Variants in ADGRD1 observed in about 807,000 individuals in gnomAD.
ADGRD1 encodes adhesion G protein-coupled receptor D1, also known as G-protein coupled receptor 133.
In ADGRD1, 77 loss-of-function variants were observed where a neutral mutation model predicts 113.4. The observed-to-expected ratio is 0.68, with a 90% confidence interval of 0.57 to 0.82. ADGRD1 has a LOEUF of 0.82. Ranked by LOEUF, ADGRD1 falls within the 40% of genes least tolerant of loss-of-function variation. ADGRD1 has a pLI of 0.00. For synonymous variants in ADGRD1, 474 were observed against 475.0 expected (o/e 1.00, Z 0.03); for missense variants, 1,036 against 1,139.1 (o/e 0.91, Z 1.30).
intron 4 of ADGRD1, among the ~76,000 whole-genome samples, chr12:130,979,761 G>T (rs888237290): frequency 1.3e-5 from 2 of 150,228 alleles, no homozygotes. Flanking sequence ...CGGGGGTGAG[G>T]CAGCTGGATG....
intron 8 of ADGRD1, among the ~76,000 whole-genome samples, chr12:130,998,489 G>A (rs906927536): frequency 6.6e-6 from 1 of 151,424 alleles, no homozygotes; most frequent in African/African-American, 2.4e-5. Flanking sequence ...TTTTGAGATG[G>A]AGTCTCGCTC....
At chr12:131,133,653 A>C (rs917923343) in intron 21 of ADGRD1, among the ~76,000 whole-genome samples, 1 of 152,114 alleles carries the variant, frequency 6.6e-6, no homozygotes, top group South Asian at 2.1e-4. Flanking sequence ...CCATTGTGCA[A>C]CCCAGCACAT....
intron 2 of ADGRD1, chr12:130,956,347 C>T (rs1174543065): frequency 6.6e-6 from 1 of 152,278 alleles, no homozygotes; most frequent in East Asian, 1.9e-4. Context: ...GACGCTGCCA[C>T]TTCTGTTTCG....
intron 13 of ADGRD1, among the ~76,000 whole-genome samples, chr12:131,021,752 G>C (rs1279744297): frequency 2.0e-5 from 3 of 152,096 alleles, no homozygotes; most frequent in Non-Finnish European, 4.4e-5. Flanking sequence ...CTCTTGCCCA[G>C]GCTGGAGTGC....
intron 13 of ADGRD1, among the ~76,000 whole-genome samples, chr12:131,056,941 G>T (rs1470223805): frequency 6.6e-6 from 1 of 152,234 alleles, no homozygotes; most frequent in Non-Finnish European, 1.5e-5. Flanking sequence ...GGAGCCAGTT[G>T]TGGAGGCGTT....
chr12:131,046,304 T>C (rs1211953345), intron 13 of ADGRD1, among the ~76,000 whole-genome samples: 32 of 94,522 alleles, frequency 3.4e-4, no homozygotes, highest in African/African-American at 4.2e-4. Flanking sequence ...TGGTCAGTGC[T>C]CCCTCCCTGG....
intron 14 of ADGRD1, among the ~76,000 whole-genome samples, chr12:131,080,634 T>G (rs145697847): frequency 5.2e-4 from 79 of 152,304 alleles, no homozygotes; most frequent in African/African-American, 1.8e-3. Context: ...TTTTTTATGT[T>G]TTTTGAGACA....
intron 13 of ADGRD1, among the ~76,000 whole-genome samples, chr12:131,065,335 G>A (rs1303008439): frequency 6.6e-6 from 1 of 152,214 alleles, no homozygotes; most frequent in Non-Finnish European, 1.5e-5. Context: ...CTGAACAAGA[G>A]TGAACCTTGT....
In ADGRD1 at chr12:131,123,039, G is replaced by GTTTT. The variant is rs552353187; in HGVS notation, c.2175+2157_2175+2160dup. Among the ~76,000 whole-genome samples the GTTTT allele has an allele frequency of 3.1e-3, 158 of 51,324 alleles. 6 individuals carry two copies. Among genetic ancestry groups the GTTTT allele is most frequent in the Non-Finnish European group, 3.7e-3 (103 of 27,766 alleles). The allele number at this position is 51,324 out of a possible 152,430, so 33.7% of individuals were successfully genotyped here. On this transcript the variant is annotated intron_variant, in intron 20 of 24. Transcript: ENST00000261654. ...ATTACATAATTGAATTACCTGGGGA[G>GTTTT]TTTTTTTTTTTTTTTTTTTTTTTTT...
At chr12:131,119,416 G>A (rs1004908846) in intron 19 of ADGRD1, among the ~76,000 whole-genome samples, 5 of 152,192 alleles carry the variant, frequency 3.3e-5, no homozygotes, top group Admixed American at 6.5e-5. Context: ...GAAGTTGAGG[G>A]ACTAATTAGA....
intron 20 of ADGRD1, among the ~76,000 whole-genome samples, chr12:131,127,282 G>A (rs534894935): frequency 2.6e-5 from 4 of 152,326 alleles, no homozygotes; most frequent in South Asian, 4.1e-4. Flanking sequence ...TTAATCACTC[G>A]TAGTGTTTCA....
At chr12:131,064,482 C>T (rs1342591790) in intron 13 of ADGRD1, among the ~76,000 whole-genome samples, 3 of 152,076 alleles carry the variant, frequency 2.0e-5, no homozygotes, top group Non-Finnish European at 4.4e-5. Flanking sequence ...CCTTGTATTC[C>T]ACAGCATTCC....
intron 13 of ADGRD1, among the ~76,000 whole-genome samples, chr12:131,017,867 CACTT>C (rs761730869): frequency 5.3e-5 from 8 of 151,678 alleles, no homozygotes; most frequent in Non-Finnish European, 1.0e-4. Context: ...CAGGCACACA[CACTT>C]AGTATACACA....
intron 15 of ADGRD1, among the ~76,000 whole-genome samples, chr12:131,098,171 C>T (rs560011768): frequency 1.7e-4 from 15 of 85,886 alleles, no homozygotes; most frequent in South Asian, 6.4e-4. Flanking sequence ...CCTTCTCCCG[C>T]AGTGGCTGCT....
intron 13 of ADGRD1, among the ~76,000 whole-genome samples, chr12:131,031,676 A>G (rs1202844410): frequency 2.0e-5 from 3 of 151,112 alleles, no homozygotes; most frequent in Non-Finnish European, 4.4e-5. Context: ...ATTGTACTGG[A>G]CCCCCAGGGC....
rs527819535 is a variant in ADGRD1 at position 131,041,780 on chromosome 12, C to T, written c.1473+27440C>T. ...CCTGCCTGGCGCCTCTGCCTGCACC[C>T]GCCTGGGAAGCACATTCTCCCTCTT... On this transcript the variant is annotated intron_variant, in intron 13 of 24. Coordinates refer to ENST00000261654, the MANE Select transcript of ADGRD1 (RefSeq NM_198827.5). This position sits in a 1 kb window ranked among gnomAD's most constrained non-coding sequence, Gnocchi z 4.4. Among the ~76,000 whole-genome samples, 34 of 152,320 alleles carry T rather than the reference C, an allele frequency of 2.2e-4. No individual in the cohort carries two copies. Among genetic ancestry groups the T allele is most frequent in the African/African-American group, 6.5e-4 (27 of 41,578 alleles).
In ADGRD1 at chr12:131,140,389, T is replaced by C. The variant is rs3741464; in HGVS notation, c.*1126T>C. ...GTTGAGGGAAATTTATGGACTCAGA[T>C]TCAGCCCCAGAGGAGATGGGATAAT... On this transcript the variant is annotated 3_prime_UTR_variant, in exon 25 of 25. Coordinates refer to ENST00000261654, the MANE Select transcript of ADGRD1 (RefSeq NM_198827.5). 0.74 allele frequency: 112,077 copies of C among 151,996 alleles called. 42,330 individuals carry two copies. The highest frequency in any genetic ancestry group is 0.85 in the Middle Eastern group (249 of 294). The allele number at this position is 151,996 out of a possible 1,614,324, so 9.4% of individuals were successfully genotyped here.
intron 15 of ADGRD1, among the ~76,000 whole-genome samples, chr12:131,091,369 A>G (rs1005317092): frequency 4.1e-4 from 62 of 152,174 alleles, no homozygotes; most frequent in Admixed American, 4.0e-3. Flanking sequence ...TAAACATAAC[A>G]CTAATGATTG....
At chr12:130,957,646 G>A (rs894510501) in intron 2 of ADGRD1, 6 of 152,388 alleles carry the variant, frequency 3.9e-5, no homozygotes, top group Admixed American at 3.9e-4. Context: ...TTTGAACTCA[G>A]TCTTTGTTCC....
Sources: gnomAD v4.1 joint callset for allele counts (sites outside exome capture counted in the v4.1 genomes callset) on GRCh38, gnomAD v4.1.1 for gene constraint, Gnocchi (gnomAD v3.1) non-coding constraint, MANE v1.5 for transcripts, NCBI Gene and HGNC (gene_info 2026-07-23, HGNC 2026-07-21) for gene names.